DLG2: variants seen among roughly 807,000 people sequenced by gnomAD.
DLG2 encodes the protein discs large MAGUK scaffold protein 2, also known as disks large homolog 2.
In DLG2, 45 loss-of-function variants were observed where a neutral mutation model predicts 132.5. The ratio of observed to expected loss-of-function variants is 0.34; its 90% CI spans 0.27 to 0.44. The LOEUF (loss-of-function observed/expected upper bound fraction) is 0.44. Ranked by LOEUF, DLG2 falls within the 20% of genes least tolerant of loss-of-function variation. The pLI is 1.00. For synonymous variants in DLG2, 424 were observed against 419.6 expected (o/e 1.01, Z -0.13); for missense variants, 1,045 against 1,196.9 (o/e 0.87, Z 1.87).
At chr11:83,666,992 A>G (rs965717821) in intron 18 of DLG2, among the ~76,000 whole-genome samples, 1 of 152,146 alleles carries the variant, frequency 6.6e-6, no homozygotes, top group African/African-American at 2.4e-5. Context: ...CCAGGCATAC[A>G]CCGGAACTGG....
intron 18 of DLG2, among the ~76,000 whole-genome samples, chr11:83,776,455 C>A (rs2094587008): frequency 6.6e-6 from 1 of 152,232 alleles, no homozygotes; most frequent in Non-Finnish European, 1.5e-5. Context: ...ATCTCTCACA[C>A]AGACTCATGC....
At chr11:84,070,542 C>T (rs1277398681) in intron 10 of DLG2, among the ~76,000 whole-genome samples, 1 of 152,230 alleles carries the variant, frequency 6.6e-6, no homozygotes, top group Non-Finnish European at 1.5e-5. Flanking sequence ...CTATTTTCCT[C>T]TACTCAAATC....
chr11:85,511,751 C>T (rs1354912687), intron 3 of DLG2, among the ~76,000 whole-genome samples: 3 of 148,644 alleles, frequency 2.0e-5, no homozygotes, highest in African/African-American at 7.5e-5. Context: ...GTTAGAGACA[C>T]TCTGTTGCCC....
chr11:83,914,347 T>A (rs920815678), intron 15 of DLG2, among the ~76,000 whole-genome samples: 2 of 152,172 alleles, frequency 1.3e-5, no homozygotes, highest in Non-Finnish European at 2.9e-5. Flanking sequence ...ATGATTCTCA[T>A]ACAGCCTGCA....
intron 19 of DLG2, among the ~76,000 whole-genome samples, chr11:83,628,820 G>T (rs2063070035): frequency 6.6e-6 from 1 of 152,082 alleles, no homozygotes; most frequent in Admixed American, 6.5e-5. Context: ...TATTCCATCT[G>T]TAAGCCGTAA....
At chr11:85,483,655 A>T (rs1271625071) in intron 3 of DLG2, among the ~76,000 whole-genome samples, 1 of 152,156 alleles carries the variant, frequency 6.6e-6, no homozygotes, top group Non-Finnish European at 1.5e-5. Context: ...ATCTATTAAG[A>T]ATAATAGGCC....
rs2098501311 is a variant in DLG2 at position 84,338,944 on chromosome 11, C to T, written c.520-87653G>A. Among the ~76,000 whole-genome samples, 9 of 152,200 alleles carry T rather than the reference C, an allele frequency of 5.9e-5. No individual in the cohort carries two copies. In the South Asian group the frequency reaches 1.9e-3, roughly 32 times the overall value. On this transcript the variant is annotated intron_variant, in intron 7 of 27. Coordinates refer to ENST00000376104, the MANE Select transcript of DLG2 (RefSeq NM_001142699.3). Reference sequence around the variant, plus strand: ...TACTAGTCATAAATGTGGATTTGCTCACTGGGATCATTCATAACAAACATC... The same window carrying T: ...TACTAGTCATAAATGTGGATTTGCTTACTGGGATCATTCATAACAAACATC...
intron 9 of DLG2, among the ~76,000 whole-genome samples, chr11:84,137,951 C>G (rs2094673879): frequency 6.6e-6 from 1 of 152,114 alleles, no homozygotes; most frequent in Non-Finnish European, 1.5e-5. Flanking sequence ...GCAAGAATCC[C>G]CTTGTTAGCT....
At chr11:85,521,841 T>A (rs1270268462) in intron 3 of DLG2, among the ~76,000 whole-genome samples, 1 of 152,184 alleles carries the variant, frequency 6.6e-6, no homozygotes, top group African/African-American at 2.4e-5. Flanking sequence ...TTGACAGGAA[T>A]AATTTAGGAT....
intron 6 of DLG2, among the ~76,000 whole-genome samples, chr11:84,889,271 T>C (rs567123964): frequency 9.3e-4 from 141 of 152,248 alleles, no homozygotes; most frequent in Non-Finnish European, 1.8e-3. Context: ...CGCTAGGTAA[T>C]AGCAAATAGA....
At chr11:83,492,670 G>A (rs1897372) in intron 21 of DLG2, among the ~76,000 whole-genome samples, 14 of 151,802 alleles carry the variant, frequency 9.2e-5, no homozygotes, top group Admixed American at 8.5e-4. Context: ...TTCCAATTAC[G>A]CAGGCTGCAA....
chr11:84,387,386 T>C (rs1441007805), intron 7 of DLG2, among the ~76,000 whole-genome samples: 1 of 152,016 alleles, frequency 6.6e-6, no homozygotes, highest in Non-Finnish European at 1.5e-5. Flanking sequence ...ATTGGTTATA[T>C]AGAATTTATA....
chr11:85,251,940 A>G (rs942270340), intron 4 of DLG2, among the ~76,000 whole-genome samples: 1 of 152,214 alleles, frequency 6.6e-6, no homozygotes, highest in Non-Finnish European at 1.5e-5. Flanking sequence ...TTAAAAAGAC[A>G]ATTATAAAAC....
intron 5 of DLG2, among the ~76,000 whole-genome samples, chr11:85,150,010 A>ATTTTTTTTTTTTTTTTTTTTTT (rs962380618): frequency 1.3e-4 from 15 of 112,304 alleles, no homozygotes; most frequent in Non-Finnish European, 1.8e-4. Context: ...TCAGTTTTTA[A>ATTTTTTTTTTTTTTTTTTTTTT]TTTTTTTTTT....
At chr11:85,114,245 TCAAAAGAGTAGGAGGTCA>T (rs1219264203) in intron 5 of DLG2, among the ~76,000 whole-genome samples, 1 of 151,866 alleles carries the variant, frequency 6.6e-6, no homozygotes, top group Non-Finnish European at 1.5e-5. Context: ...TACCTCCTAC[TCAAAAGAGTAGGAGGTCA>T]GCTCCTTAGA....
At chr11:84,641,798 T>G (rs889044424) in intron 6 of DLG2, among the ~76,000 whole-genome samples, 15 of 152,026 alleles carry the variant, frequency 9.9e-5, no homozygotes, top group African/African-American at 3.4e-4. Flanking sequence ...GTAAAATGCT[T>G]AGAACATTAC....
intron 6 of DLG2, among the ~76,000 whole-genome samples, chr11:85,031,017 A>G (rs550884144): frequency 6.6e-6 from 1 of 152,098 alleles, no homozygotes; most frequent in African/African-American, 2.4e-5. Context: ...AGTATATCGC[A>G]TAAGTTTCTA....
intron 4 of DLG2, among the ~76,000 whole-genome samples, chr11:85,265,578 C>T (rs2077166498): frequency 6.6e-6 from 1 of 152,222 alleles, no homozygotes; most frequent in East Asian, 1.9e-4. Context: ...ACCCCACCTT[C>T]AAGCCAAATG....
At chr11:84,152,482 G>T (rs1452432928) in intron 9 of DLG2, among the ~76,000 whole-genome samples, 1 of 151,586 alleles carries the variant, frequency 6.6e-6, no homozygotes, top group African/African-American at 2.4e-5. Flanking sequence ...CACCTCCTGG[G>T]TTCACGCCAT....
Sources: gnomAD v4.1 joint callset for allele counts (sites outside exome capture counted in the v4.1 genomes callset) on GRCh38, gnomAD v4.1.1 for gene constraint, MANE v1.5 for transcripts, NCBI Gene and HGNC (gene_info 2026-07-23, HGNC 2026-07-21) for gene names.